Variants in NUP205 observed in about 807,000 individuals in gnomAD.
NUP205 encodes nuclear pore complex protein Nup205.
A neutral mutation model predicts 253.8 loss-of-function variants in NUP205; 76 were observed. The observed-to-expected ratio is 0.30, with a 90% CI of 0.25 to 0.36. The LOEUF is 0.36. Ranked by LOEUF, NUP205 falls within the 10% of genes least tolerant of loss-of-function variation. The pLI is 1.00. For missense variants in NUP205, 2,162 were observed against 2,425.5 expected, an observed-to-expected ratio of 0.89 and a Z score of 2.28; for synonymous variants, 832 against 850.1, an observed-to-expected ratio of 0.98 and a Z score of 0.37.
chr7:135,615,696 T>C (rs1794341341), intron 23 of NUP205, among the ~76,000 whole-genome samples: 1 of 152,222 alleles, frequency 6.6e-6, no homozygotes, highest in Admixed American at 6.5e-5. Flanking sequence ...TCATTTACTT[T>C]AGCCCATCTT....
chr7:135,617,682 G>GGTA lies in NUP205; in HGVS notation c.3771+1_3771+3dup. 6.3e-7 allele frequency: 1 copy of GGTA among 1,597,108 alleles called. No homozygotes were observed. The highest frequency in any genetic ancestry group is 1.1e-5 in the South Asian group (1 of 90,558). On this transcript the variant is annotated inframe_insertion and splice_region_variant. Coordinates refer to ENST00000285968, the MANE Select transcript of NUP205 (RefSeq NM_015135.3). ...TAGGACAGAGACCTCTACTAATGGA[G>GGTA]GTAAGCTCTATTGAGTATGTGTTCG...
At chr7:135,589,622 T>C (rs939955898) in intron 10 of NUP205, among the ~76,000 whole-genome samples, 2 of 151,244 alleles carry the variant, frequency 1.3e-5, no homozygotes, top group African/African-American at 2.4e-5. Flanking sequence ...TGTTTCAGTG[T>C]TTTTCTCATT....
At chr7:135,567,646 T>C (rs1488826269) in intron 1 of NUP205, among the ~76,000 whole-genome samples, 1 of 151,940 alleles carries the variant, frequency 6.6e-6, no homozygotes, top group Non-Finnish European at 1.5e-5. Context: ...TTGCGTCATC[T>C]GACGTTGTTC....
At chr7:135,593,901 AT>A (rs1156362739) in intron 12 of NUP205, among the ~76,000 whole-genome samples, 1 of 152,202 alleles carries the variant, frequency 6.6e-6, no homozygotes, top group Non-Finnish European at 1.5e-5. Context: ...CTAGTGTTCT[AT>A]AGCACTACAG....
intron 7 of NUP205, 112 bp downstream of exon 7, chr7:135,579,027 C>G (rs889652359): frequency 3.9e-6 from 3 of 766,284 alleles, no homozygotes; most frequent in Admixed American, 3.6e-5. Context: ...AGGAAGATAT[C>G]CAGAGTTGTA....
intron 7 of NUP205, among the ~76,000 whole-genome samples, chr7:135,582,208 C>T (rs1333322386): frequency 3.3e-5 from 5 of 152,104 alleles, no homozygotes; most frequent in South Asian, 2.1e-4. Flanking sequence ...ATGGCTGAAA[C>T]TGGGAGGCAG....
chr7:135,597,447 A>G (rs911704201), intron 14 of NUP205, 29 bp downstream of exon 14: 2 of 1,396,614 alleles, frequency 1.4e-6, no homozygotes, highest in Non-Finnish European at 1.0e-6. Flanking sequence ...TTTAAATGTT[A>G]ATTCATTCAT....
chr7:135,615,990 C>T lies in NUP205; in HGVS notation c.3385C>T (p.Leu1129=). 1 of 1,613,730 alleles carries T rather than the reference C, an allele frequency of 6.2e-7. No individual in the cohort carries two copies. The highest frequency in any genetic ancestry group is 8.5e-7 in the Non-Finnish European group (1 of 1,179,658). The change falls in exon 24 of 43, where the codon CTG becomes TTG. Residue 1129 remains leucine (L), a synonymous_variant. Coordinates refer to ENST00000285968, the MANE Select transcript of NUP205 (RefSeq NM_015135.3). ...TASIELRVTS[L]NRQRSHTQRL... is the part of the protein sequence containing the mutation. ...CTCAATAGAGCTAAGGGTAACCTCT[C>T]TGAATCGTCAGCGGTCACATACCCA... is the stretch of plus-strand genomic sequence containing the variant.
intron 19 of NUP205, 132 bp downstream of exon 19, chr7:135,604,592 T>G (rs1678210474): frequency 4.6e-6 from 4 of 872,804 alleles, no homozygotes; most frequent in Non-Finnish European, 6.8e-6. Flanking sequence ...TATATTTGTA[T>G]AGGATGGGTG....
At chr7:135,585,095 CTAA>C (rs2129490064) in intron 8 of NUP205, 88 bp downstream of exon 8, 1 of 1,177,330 alleles carries the variant, frequency 8.5e-7, no homozygotes, top group East Asian at 2.6e-5. Flanking sequence ...GTTTTGGAAA[CTAA>C]TAAAAATTTT....
At chr7:135,573,055 T>C (rs1467306058) in intron 2 of NUP205, among the ~76,000 whole-genome samples, 1 of 152,026 alleles carries the variant, frequency 6.6e-6, no homozygotes, top group Non-Finnish European at 1.5e-5. Flanking sequence ...CTAGAGAGTT[T>C]TATGACCACA....
chr7:135,618,357 G>A, intron 27 of NUP205, 55 bp from the exon 28 acceptor site: 2 of 1,435,710 alleles, frequency 1.4e-6, no homozygotes, highest in Non-Finnish European at 2.0e-6. Flanking sequence ...GTAACTGACA[G>A]ATAACTGATC....
At chr7:135,581,794 A>G (rs1806312968) in intron 7 of NUP205, among the ~76,000 whole-genome samples, 1 of 151,924 alleles carries the variant, frequency 6.6e-6, no homozygotes, top group Non-Finnish European at 1.5e-5. Flanking sequence ...CAGAGGTTGC[A>G]GTGAGCTGAG....
intron 38 of NUP205, 50 bp from the exon 39 acceptor site, chr7:135,643,142 T>TATGAATTTCAA: frequency 6.5e-7 from 1 of 1,527,804 alleles, no homozygotes; most frequent in Non-Finnish European, 9.0e-7. Flanking sequence ...TTGAAATTCA[T>TATGAATTTCAA]ATGAAATGCT....
chr7:135,569,953 C>T (rs1193487555), intron 1 of NUP205, among the ~76,000 whole-genome samples: 3 of 150,910 alleles, frequency 2.0e-5, no homozygotes, highest in African/African-American at 4.9e-5. Flanking sequence ...ATATGAAAGG[C>T]ACTGGACTGT....
chr7:135,645,768 G>A (rs2129492703), intron 41 of NUP205, 172 bp downstream of exon 41: 1 of 644,170 alleles, frequency 1.6e-6, no homozygotes, highest in Middle Eastern at 4.2e-4. Flanking sequence ...TCTGTTCACG[G>A]GACATTGTGC....
intron 30 of NUP205, among the ~76,000 whole-genome samples, chr7:135,620,354 T>C (rs1794449790): frequency 6.6e-6 from 1 of 152,144 alleles, no homozygotes; most frequent in African/African-American, 2.4e-5. Flanking sequence ...GCCAATATGG[T>C]GAAACCCCAT....
At chr7:135,610,887 A>C (rs1352034034) in intron 22 of NUP205, among the ~76,000 whole-genome samples, 24 of 152,138 alleles carry the variant, frequency 1.6e-4, no homozygotes, top group Admixed American at 1.6e-3. Flanking sequence ...TTTCTTTAAG[A>C]ACGGAGATTT....
At chr7:135,647,891 A>G (rs953494472) in intron 42 of NUP205, among the ~76,000 whole-genome samples, 1 of 152,260 alleles carries the variant, frequency 6.6e-6, no homozygotes, top group Non-Finnish European at 1.5e-5. Flanking sequence ...ATATATATGA[A>G]TTCTAAAGCA....
Sources: allele counts gnomAD v4.1 joint callset (sites outside exome capture counted in the v4.1 genomes callset), GRCh38; gene constraint gnomAD v4.1.1; transcripts MANE v1.5; gene names NCBI Gene and HGNC (gene_info 2026-07-23, HGNC 2026-07-21).